The following CSMD1 variants were observed in gnomAD, a reference collection of about 807,000 sequenced individuals.
CSMD1 encodes the protein CUB and sushi domain-containing protein 1.
Under a neutral mutation model 417.5 loss-of-function variants are expected in CSMD1, and 213 were observed. That is an observed-to-expected ratio of 0.51 (90% CI 0.46 to 0.57). The LOEUF (loss-of-function observed/expected upper bound fraction) is 0.57, where lower values mean the gene tolerates loss of function less well. Ranked by LOEUF, CSMD1 falls within the 20% of genes least tolerant of loss-of-function variation. The pLI is 0.00. For missense variants in CSMD1, 6,923 were observed against 4,529.7 expected, an observed-to-expected ratio of 1.53 and a Z score of -15.17; for synonymous variants, 2,862 against 1,736.8, an observed-to-expected ratio of 1.65 and a Z score of -16.11.
In CSMD1 at chr8:4,009,340, T is replaced by C. The variant is rs551083296; in HGVS notation, c.611-11230A>G. Among the ~76,000 whole-genome samples the C allele has an allele frequency of 2.1e-4, 32 of 152,334 alleles. No individual in the cohort carries two copies. In the South Asian group the frequency reaches 6.2e-3, roughly 30 times the overall value. On this transcript the variant is annotated intron_variant, in intron 4 of 69. Coordinates refer to ENST00000635120, the MANE Select transcript of CSMD1 (RefSeq NM_033225.6). ...GTATAAAACTTGCTGGAAATCTATCTTACGGACATAATTTAAAATACAGAA... is the reference window on the plus strand; with the variant it reads ...GTATAAAACTTGCTGGAAATCTATCCTACGGACATAATTTAAAATACAGAA...
chr8:3,566,513 G>A (rs546755609), intron 10 of CSMD1, among the ~76,000 whole-genome samples: 3 of 150,250 alleles, frequency 2.0e-5, no homozygotes, highest in Admixed American at 1.3e-4. Context: ...CTCAGCCCCG[G>A]TACACCCAAC....
chr8:4,360,810 C>G (rs1336679820), intron 3 of CSMD1, among the ~76,000 whole-genome samples: 2 of 151,614 alleles, frequency 1.3e-5, no homozygotes, highest in South Asian at 4.1e-4. Context: ...GGTTCGTAAT[C>G]TCACAGTTCC....
intron 5 of CSMD1, among the ~76,000 whole-genome samples, chr8:3,839,187 T>C (rs1319799431): frequency 2.4e-5 from 3 of 126,274 alleles, no homozygotes; most frequent in Non-Finnish European, 4.7e-5. Context: ...TTATATATAA[T>C]AAATAAATTA....
chr8:3,576,208 T>C (rs1283912768), intron 9 of CSMD1, among the ~76,000 whole-genome samples: 2 of 152,024 alleles, frequency 1.3e-5, no homozygotes, highest in East Asian at 3.9e-4. Flanking sequence ...AATTAACCAC[T>C]GAACGCAGGT....
chr8:3,040,618 C>T (rs1585208431), intron 50 of CSMD1, among the ~76,000 whole-genome samples: 1 of 151,844 alleles, frequency 6.6e-6, no homozygotes, highest in East Asian at 1.9e-4. Context: ...GCCTGGCCAA[C>T]ATGATGAAAC....
At chr8:3,611,208 T>G (rs1801876407) in intron 8 of CSMD1, among the ~76,000 whole-genome samples, 1 of 151,270 alleles carries the variant, frequency 6.6e-6, no homozygotes, top group South Asian at 2.1e-4. Flanking sequence ...ATTGTGCACA[T>G]GTACCCTAAA....
At chr8:3,584,192 C>T (rs1281559991) in intron 9 of CSMD1, among the ~76,000 whole-genome samples, 1 of 152,054 alleles carries the variant, frequency 6.6e-6, no homozygotes, top group Non-Finnish European at 1.5e-5. Context: ...CAAAGTATAT[C>T]TAACTTAAGC....
At chr8:4,135,074 A>G (rs1803334704) in intron 3 of CSMD1, among the ~76,000 whole-genome samples, 1 of 152,116 alleles carries the variant, frequency 6.6e-6, no homozygotes, top group South Asian at 2.1e-4. Flanking sequence ...GAGTTCACAT[A>G]GAATGAAAAA....
intron 7 of CSMD1, among the ~76,000 whole-genome samples, chr8:3,620,865 T>C (rs767638563): frequency 2.5e-4 from 38 of 152,292 alleles, no homozygotes; most frequent in Admixed American, 1.0e-3. Context: ...TGTTTTAGGC[T>C]GAATTATGTC....
chr8:3,934,772 G>C (rs1340718889), intron 5 of CSMD1, among the ~76,000 whole-genome samples: 2 of 152,112 alleles, frequency 1.3e-5, no homozygotes, highest in South Asian at 4.2e-4. Flanking sequence ...ACTTGAACCT[G>C]GGAAGCAGAG....
intron 52 of CSMD1, among the ~76,000 whole-genome samples, chr8:3,007,190 C>A (rs1467612274): frequency 3.3e-5 from 5 of 149,860 alleles, no homozygotes; most frequent in Admixed American, 6.6e-5. Flanking sequence ...TCATCACTGG[C>A]CATCAGAGAA....
At chr8:3,318,785 G>C (rs1232001298) in intron 23 of CSMD1, among the ~76,000 whole-genome samples, 1 of 152,122 alleles carries the variant, frequency 6.6e-6, no homozygotes, top group Non-Finnish European at 1.5e-5. Context: ...TCCGAGCACA[G>C]GGCAGCCCAC....
intron 3 of CSMD1, among the ~76,000 whole-genome samples, chr8:4,075,431 C>G (rs1362869105): frequency 1.3e-5 from 2 of 151,972 alleles, no homozygotes; most frequent in Admixed American, 6.6e-5. Flanking sequence ...AATTTTATAT[C>G]TGCTAATACT....
chr8:3,415,554 T>C (rs1206875456), intron 12 of CSMD1, among the ~76,000 whole-genome samples: 2 of 152,208 alleles, frequency 1.3e-5, no homozygotes, highest in African/African-American at 4.8e-5. Context: ...CGATGGAGTT[T>C]CACCATGTTG....
intron 2 of CSMD1, among the ~76,000 whole-genome samples, chr8:4,592,280 A>C (rs1800029953): frequency 6.6e-6 from 1 of 151,596 alleles, no homozygotes; most frequent in African/African-American, 2.4e-5. Flanking sequence ...ATTACAGAAT[A>C]GTGAAAGTGG....
chr8:3,145,030 C>G (rs1317506081), intron 40 of CSMD1, among the ~76,000 whole-genome samples: 1 of 115,680 alleles, frequency 8.6e-6, no homozygotes, highest in East Asian at 2.5e-4. Context: ...AATAAGTAAA[C>G]TAGAGTAAAG....
intron 3 of CSMD1, among the ~76,000 whole-genome samples, chr8:4,070,946 T>A (rs1026981937): frequency 6.6e-6 from 1 of 152,230 alleles, no homozygotes; most frequent in African/African-American, 2.4e-5. Flanking sequence ...TCCATGGTGT[T>A]TGATGTAAAA....
At chr8:3,822,039 C>A (rs1247983904) in intron 5 of CSMD1, among the ~76,000 whole-genome samples, 2 of 152,182 alleles carry the variant, frequency 1.3e-5, no homozygotes, top group Non-Finnish European at 2.9e-5. Flanking sequence ...ACCATGCGGT[C>A]TGACATCTCT....
chr8:4,602,529 G>C (rs1427757622), intron 2 of CSMD1, among the ~76,000 whole-genome samples: 3 of 152,120 alleles, frequency 2.0e-5, no homozygotes, highest in Non-Finnish European at 4.4e-5. Context: ...AATATATTAG[G>C]AACATATTGG....
Sources: gnomAD v4.1 joint callset for allele counts (sites outside exome capture counted in the v4.1 genomes callset) on GRCh38, gnomAD v4.1.1 for gene constraint, MANE v1.5 for transcripts, NCBI Gene and HGNC (gene_info 2026-07-23, HGNC 2026-07-21) for gene names.